Variants in GRM3 observed in about 807,000 individuals in gnomAD.
GRM3 encodes the protein metabotropic glutamate receptor 3.
In GRM3, 26 loss-of-function variants were observed where a neutral mutation model predicts 70.5. That is an observed-to-expected ratio of 0.37 (90% CI 0.27 to 0.51). The LOEUF is 0.51. Among genes scored for constraint, GRM3 ranks in the 20% least tolerant of loss-of-function variants. The pLI, the probability that GRM3 is intolerant of heterozygous loss-of-function variation, is 0.93. For synonymous variants in GRM3, 443 were observed against 434.9 expected (o/e 1.02, Z -0.23); for missense variants, 859 against 1,123.8 (o/e 0.76, Z 3.37).
chr7:86,808,743 G>T (rs1797849481), intron 3 of GRM3, among the ~76,000 whole-genome samples: 1 of 152,038 alleles, frequency 6.6e-6, no homozygotes, highest in Non-Finnish European at 1.5e-5. Flanking sequence ...GAAGAGGTGA[G>T]GGAGCAACCC....
intron 1 of GRM3, among the ~76,000 whole-genome samples, chr7:86,727,382 A>G (rs1486886701): frequency 4.6e-5 from 7 of 152,120 alleles, no homozygotes; most frequent in Non-Finnish European, 1.0e-4. Context: ...CCAAATCCCA[A>G]AAGTTCTTGA....
intron 3 of GRM3, among the ~76,000 whole-genome samples, chr7:86,829,111 C>T (rs569478184): frequency 2.6e-5 from 4 of 152,282 alleles, no homozygotes; most frequent in Non-Finnish European, 5.9e-5. Flanking sequence ...TTGCCATTTC[C>T]ACCTCATCTG....
chr7:86,820,996 T>C, intron 3 of GRM3, among the ~76,000 whole-genome samples: 1 of 152,164 alleles, frequency 6.6e-6, no homozygotes, highest in East Asian at 1.9e-4. Flanking sequence ...CAATACTTCT[T>C]CACTACTTGT....
chr7:86,673,582 C>T (rs1295578572), intron 1 of GRM3, among the ~76,000 whole-genome samples: 3 of 152,100 alleles, frequency 2.0e-5, no homozygotes, highest in African/African-American at 7.2e-5. Flanking sequence ...GCTTTTCTCA[C>T]TCTATATTCT....
At chr7:86,827,658 C>T (rs1019728246) in intron 3 of GRM3, among the ~76,000 whole-genome samples, 1 of 152,034 alleles carries the variant, frequency 6.6e-6, no homozygotes, top group Non-Finnish European at 1.5e-5. Flanking sequence ...TTATTACAGG[C>T]GCCCACCACC....
rs1584140852 is a variant in GRM3, at chr7:86,654,461, C to G, written c.-141+9589C>G. Among the ~76,000 whole-genome samples the G allele has an allele frequency of 3.9e-5, 6 of 152,278 alleles. 1 individual carries two copies. Among genetic ancestry groups the G allele is most frequent in the Admixed American group, 3.9e-4 (6 of 15,300 alleles). On this transcript the variant is annotated intron_variant, in intron 1 of 5. Coordinates refer to ENST00000361669, the MANE Select transcript of GRM3 (RefSeq NM_000840.3). ...CGTTCTGATGGTTACAGTACTTCTA[C>G]CTGATGATGTCACTTCTACTGGACT...
intron 1 of GRM3, among the ~76,000 whole-genome samples, chr7:86,649,452 G>A (rs1054190596): frequency 3.3e-5 from 5 of 151,954 alleles, no homozygotes; most frequent in African/African-American, 9.7e-5. Context: ...TATAATCTAC[G>A]TAGGCATAGA....
intron 1 of GRM3, among the ~76,000 whole-genome samples, chr7:86,729,605 A>C (rs1191198941): frequency 6.6e-6 from 1 of 152,280 alleles, no homozygotes; most frequent in Non-Finnish European, 1.5e-5. Flanking sequence ...TAATTTAAAG[A>C]AAATTAATAT....
intron 4 of GRM3, among the ~76,000 whole-genome samples, chr7:86,842,358 G>A (rs1376082449): frequency 6.6e-6 from 1 of 152,114 alleles, no homozygotes; most frequent in Non-Finnish European, 1.5e-5. Context: ...AAGTAAAAAC[G>A]TAAGCCCAAA....
chr7:86,707,271 T>C (rs1795081744), intron 1 of GRM3, among the ~76,000 whole-genome samples: 1 of 152,108 alleles, frequency 6.6e-6, no homozygotes, highest in Admixed American at 6.6e-5. Context: ...CAAACTGATT[T>C]GGATCACAAA....
chr7:86,798,273 G>A (rs184652747), intron 3 of GRM3, among the ~76,000 whole-genome samples: 67 of 152,260 alleles, frequency 4.4e-4, no homozygotes, highest in Middle Eastern at 3.4e-3. Flanking sequence ...TGGAAAAGCC[G>A]CAGACACTCA....
At chr7:86,828,111 CAAAAAAAAA>C (rs55645713) in intron 3 of GRM3, among the ~76,000 whole-genome samples, 754 of 68,328 alleles carry the variant, frequency 0.011, 5 homozygotes, top group African/African-American at 0.037. Flanking sequence ...AACTCCGTAT[CAAAAAAAAA>C]AAAAAAAAAA....
chr7:86,846,308 A>C (rs1045063312), intron 4 of GRM3, among the ~76,000 whole-genome samples: 1 of 152,196 alleles, frequency 6.6e-6, no homozygotes, highest in Non-Finnish European at 1.5e-5. Flanking sequence ...GCTGGGGATT[A>C]ATCCTTCAAG....
At chr7:86,759,547 T>C (rs1379238479) in intron 1 of GRM3, among the ~76,000 whole-genome samples, 3 of 152,170 alleles carry the variant, frequency 2.0e-5, no homozygotes, top group Non-Finnish European at 2.9e-5. Flanking sequence ...CTGTGGAACA[T>C]ACAACAATAT....
chr7:86,682,872 A>G (rs992154093), intron 1 of GRM3, among the ~76,000 whole-genome samples: 9 of 152,208 alleles, frequency 5.9e-5, no homozygotes, highest in African/African-American at 2.2e-4. Flanking sequence ...ACAATTCAAT[A>G]TGGACAGGAC....
chr7:86,681,940 C>T (rs1425755395), intron 1 of GRM3, among the ~76,000 whole-genome samples: 2 of 152,202 alleles, frequency 1.3e-5, no homozygotes, highest in Non-Finnish European at 2.9e-5. Context: ...TGAAGATTCA[C>T]AGGTACTGAC....
intron 1 of GRM3, among the ~76,000 whole-genome samples, chr7:86,716,250 A>G (rs538497334): frequency 4.8e-4 from 73 of 152,072 alleles, no homozygotes; most frequent in Non-Finnish European, 8.4e-4. Flanking sequence ...AAAAAAAATA[A>G]TTCTATGACA....
chr7:86,783,246 T>C (rs145711881), intron 2 of GRM3, among the ~76,000 whole-genome samples: 97 of 152,308 alleles, frequency 6.4e-4, no homozygotes, highest in Middle Eastern at 6.8e-3. Context: ...TCTGTTCCTC[T>C]TGTTCTTTCT....
chr7:86,782,172 T>C (rs1797084849), intron 2 of GRM3, among the ~76,000 whole-genome samples: 1 of 151,752 alleles, frequency 6.6e-6, no homozygotes, highest in African/African-American at 2.4e-5. Context: ...CCAGAATTTG[T>C]CCTTCCTCCT....
Sources: gnomAD v4.1 joint callset for allele counts (sites outside exome capture counted in the v4.1 genomes callset) on GRCh38, gnomAD v4.1.1 for gene constraint, MANE v1.5 for transcripts, NCBI Gene and HGNC (gene_info 2026-07-23, HGNC 2026-07-21) for gene names.